Variants in B3GALT1 observed in about 807,000 individuals in gnomAD.
B3GALT1 encodes the protein beta-1,3-galactosyltransferase 1.
B3GALT1 carries 10 observed loss-of-function variants against 23.2 expected under a neutral mutation model. The observed-to-expected ratio is 0.43, with a 90% CI of 0.27 to 0.73. The LOEUF is 0.73. B3GALT1 is among the 30% of genes least tolerant of loss of function. The pLI, the probability that B3GALT1 is intolerant of heterozygous loss-of-function variation, is 0.21. For synonymous variants in B3GALT1, 156 were observed against 141.5 expected (o/e 1.10, Z -0.73); for missense variants, 299 against 405.4 (o/e 0.74, Z 2.25).
chr2:167,651,063 A>G (rs1685855449), intron 3 of B3GALT1, among the ~76,000 whole-genome samples: 2 of 151,984 alleles, frequency 1.3e-5, no homozygotes, highest in African/African-American at 4.8e-5. Context: ...TTTTTCTATA[A>G]AGATAAATTG....
chr2:167,324,473 A>G (rs1053600948), intron 1 of B3GALT1, among the ~76,000 whole-genome samples: 2 of 152,056 alleles, frequency 1.3e-5, no homozygotes, highest in African/African-American at 4.8e-5. Context: ...CCACATGGCA[A>G]CAAAAAATGT....
chr2:167,646,223 A>G (rs892733989), intron 2 of B3GALT1, among the ~76,000 whole-genome samples: 2 of 152,148 alleles, frequency 1.3e-5, no homozygotes, highest in African/African-American at 4.8e-5. Flanking sequence ...CAGACCTAGT[A>G]AAAATGTGGG....
rs562522209 is a variant in B3GALT1, at chr2:167,768,042, C to G, written c.-351-50630C>G. ...GGCAGACAGAGAAATCAACCTTCCC[C>G]TGCCTTTTTGTTCTATTCAGGCCCT... On this transcript the variant is annotated intron_variant, in intron 3 of 4. Coordinates refer to ENST00000392690, the MANE Select transcript of B3GALT1 (RefSeq NM_020981.4). Among the ~76,000 whole-genome samples the G allele has an allele frequency of 6.6e-5, 10 of 152,182 alleles. No homozygotes were observed. The South Asian group carries it at 2.1e-3, about 32-fold the overall frequency.
chr2:167,823,255 C>T (rs1163498833), intron 4 of B3GALT1, among the ~76,000 whole-genome samples: 1 of 152,104 alleles, frequency 6.6e-6, no homozygotes, highest in South Asian at 2.1e-4. Context: ...AAATTTAGGG[C>T]TTATTTGTTA....
At chr2:167,396,110 T>G (rs1401951179) in intron 1 of B3GALT1, among the ~76,000 whole-genome samples, 1 of 152,136 alleles carries the variant, frequency 6.6e-6, no homozygotes, top group African/African-American at 2.4e-5. Context: ...AAAGATACAC[T>G]AATTAATGGC....
chr2:167,840,545 T>C (rs552468202), intron 4 of B3GALT1, among the ~76,000 whole-genome samples: 2,788 of 147,056 alleles, frequency 0.019, 94 homozygotes, highest in African/African-American at 0.066. Flanking sequence ...GGAGAGGATG[T>C]GGAGAAATAG....
chr2:167,638,768 A>T (rs1340080872), intron 2 of B3GALT1, among the ~76,000 whole-genome samples: 1 of 152,056 alleles, frequency 6.6e-6, no homozygotes, highest in Admixed American at 6.6e-5. Flanking sequence ...AAATTTAAAT[A>T]GAATCTTATT....
At position 167,294,072 on chromosome 2, in the gene B3GALT1, C is replaced by T. The variant is rs1574020536; in HGVS notation, c.-511+738C>T. 2.0e-5 allele frequency among the ~76,000 whole-genome samples: 3 copies of T among 152,168 alleles called. No homozygotes were observed. In the South Asian group the frequency reaches 6.2e-4, roughly 31 times the overall value. ...GAGTCCCACTCTGAGGTACTGGTAG[C>T]GGCTCCTCCTGCCTGGTGGCGGCGT... On this transcript the variant is annotated intron_variant, in intron 1 of 4. Coordinates refer to ENST00000392690, the MANE Select transcript of B3GALT1 (RefSeq NM_020981.4).
chr2:167,660,065 G>A (rs1036870844), intron 3 of B3GALT1, among the ~76,000 whole-genome samples: 4 of 152,034 alleles, frequency 2.6e-5, no homozygotes, highest in African/African-American at 9.7e-5. Context: ...ACTCCTCATA[G>A]AAGGTGTGCC....
At position 167,606,308 on chromosome 2, in the gene B3GALT1, T is replaced by A. The variant is rs546154465; in HGVS notation, c.-409-40601T>A. Reference sequence around the variant, plus strand: ...CTATGGGGGAATGTGCTTAGCTGAATTGAAAGTAACTATTATCACAACTAA... The same window carrying A: ...CTATGGGGGAATGTGCTTAGCTGAAATGAAAGTAACTATTATCACAACTAA... On this transcript the variant is annotated intron_variant, in intron 2 of 4. Coordinates refer to ENST00000392690, the MANE Select transcript of B3GALT1 (RefSeq NM_020981.4). Among the ~76,000 whole-genome samples, 87 of 152,320 alleles carry A rather than the reference T, an allele frequency of 5.7e-4. 1 individual carries two copies. The highest frequency in any genetic ancestry group is 1.5e-3 in the South Asian group (7 of 4,824).
At chr2:167,444,604 T>C (rs997636863) in intron 1 of B3GALT1, among the ~76,000 whole-genome samples, 1 of 152,198 alleles carries the variant, frequency 6.6e-6, no homozygotes, top group Non-Finnish European at 1.5e-5. Context: ...GGAGGGTGCA[T>C]GTGTCCAGGA....
At position 167,708,324 on chromosome 2, in the gene B3GALT1, C is replaced by T. The variant is rs143506495; in HGVS notation, c.-352+61358C>T. Among the ~76,000 whole-genome samples, 117 of 152,324 alleles carry T rather than the reference C, an allele frequency of 7.7e-4. No individual in the cohort carries two copies. The East Asian group carries it at 0.014, about 19-fold the overall frequency. On this transcript the variant is annotated intron_variant, in intron 3 of 4. Transcript: ENST00000392690. ...GTTCTGCTAACTCTGCTCAGCCAGC[C>T]ACCCGGCATGGTTCAGTGGTTTCTT... is the stretch of plus-strand genomic sequence containing the variant.
At chr2:167,784,729 A>G (rs543092544) in intron 3 of B3GALT1, among the ~76,000 whole-genome samples, 20 of 152,328 alleles carry the variant, frequency 1.3e-4, no homozygotes, top group African/African-American at 4.8e-4. Context: ...TAGAAAGCCT[A>G]TGTAAAACAA....
intron 3 of B3GALT1, chr2:167,713,708 G>A: frequency 6.6e-7 from 1 of 1,515,492 alleles, no homozygotes; most frequent in South Asian, 1.1e-5. Flanking sequence ...TTTGAAGGTG[G>A]AATCAACCCT....
At chr2:167,740,137 A>G in intron 3 of B3GALT1, among the ~76,000 whole-genome samples, 1 of 148,844 alleles carries the variant, frequency 6.7e-6, no homozygotes, top group Non-Finnish European at 1.5e-5. Flanking sequence ...TAAATAAATA[A>G]ATAGAAAAGA....
intron 4 of B3GALT1, among the ~76,000 whole-genome samples, chr2:167,822,483 A>G (rs1689128519): frequency 6.6e-6 from 1 of 152,146 alleles, no homozygotes; most frequent in South Asian, 2.1e-4. Context: ...GGACCAAGAT[A>G]CTCACGGTGG....
intron 3 of B3GALT1, among the ~76,000 whole-genome samples, chr2:167,704,855 T>C (rs975205896): frequency 2.0e-5 from 3 of 152,210 alleles, no homozygotes; most frequent in African/African-American, 7.2e-5. Flanking sequence ...ATTTATTTAC[T>C]ATGTCAAAGC....
chr2:167,350,927 T>C (rs1394718150), intron 1 of B3GALT1, among the ~76,000 whole-genome samples: 1 of 152,204 alleles, frequency 6.6e-6, no homozygotes, highest in East Asian at 1.9e-4. Flanking sequence ...CTTGGCTGCA[T>C]GCATATGTTA....
At chr2:167,495,783 G>C (rs1490709612) in intron 2 of B3GALT1, among the ~76,000 whole-genome samples, 1 of 152,134 alleles carries the variant, frequency 6.6e-6, no homozygotes, top group Non-Finnish European at 1.5e-5. Context: ...ATTTTGGGAT[G>C]GGAAGGCCTA....
Sources: allele counts gnomAD v4.1 joint callset (sites outside exome capture counted in the v4.1 genomes callset), GRCh38; gene constraint gnomAD v4.1.1; transcripts MANE v1.5; gene names NCBI Gene and HGNC (gene_info 2026-07-23, HGNC 2026-07-21).